PCDHGA8: variants seen among roughly 807,000 people sequenced by gnomAD.
PCDHGA8 encodes protocadherin gamma-A8.
Under a neutral mutation model 59.2 loss-of-function variants are expected in PCDHGA8, and 45 were observed. The ratio of observed to expected loss-of-function variants is 0.76; its 90% confidence interval spans 0.60 to 0.98. PCDHGA8 has a LOEUF of 0.98. Ranked by LOEUF, PCDHGA8 falls within the 50% of genes least tolerant of loss-of-function variation. The pLI, the probability that PCDHGA8 is intolerant of heterozygous loss-of-function variation, is 0.00. For synonymous variants in PCDHGA8, 531 were observed against 519.0 expected (o/e 1.02, Z -0.32); for missense variants, 1,257 against 1,196.2 (o/e 1.05, Z -0.75).
At position 141,394,120 on chromosome 5, in the gene PCDHGA8, C is replaced by G; in HGVS notation, c.1307C>G (p.Thr436Ser). 1.9e-6 allele frequency: 3 copies of G among 1,613,954 alleles called. No individual in the cohort carries two copies. Among genetic ancestry groups the G allele is most frequent in the Non-Finnish European group, 1.7e-6 (2 of 1,179,872 alleles). ...DLGTPPLSTE[T>S]QIALHVADIN... is the part of the protein sequence containing the mutation. ...GGAACACCACCTCTGTCCACTGAAA[C>G]TCAAATCGCTCTGCACGTGGCAGAC... is the stretch of plus-strand genomic sequence containing the variant. Residue 436 changes from threonine to serine, a missense_variant, in exon 1 of 4, where the codon ACT (threonine) becomes AGT (serine). By Grantham distance (58) the Thr-to-Ser change is moderately conservative. Coordinates refer to ENST00000398604, the MANE Select transcript of PCDHGA8 (RefSeq NM_032088.2).
At chr5:141,395,297 T>C in intron 1 of PCDHGA8, 60 bp downstream of exon 1, 1 of 1,523,916 alleles carries the variant, frequency 6.6e-7, no homozygotes, top group Non-Finnish European at 8.8e-7. Context: ...GCATAAATTA[T>C]GTTTTGAAAA....
chr5:141,421,219 G>C (rs894586889), intron 1 of PCDHGA8: 1 of 1,573,208 alleles, frequency 6.4e-7, no homozygotes. Context: ...TATCGGCTTA[G>C]AGCCTGCCAT....
intron 3 of PCDHGA8, among the ~76,000 whole-genome samples, chr5:141,509,004 G>A (rs2099873761): frequency 6.6e-6 from 1 of 152,072 alleles, no homozygotes; most frequent in South Asian, 2.1e-4. Context: ...AGGAGAGGAG[G>A]AAGTGGGCAG....
rs1386904017 is a variant in PCDHGA8 at position 141,476,642 on chromosome 5, CG to C, written c.2425-18164del. On this transcript the variant is annotated intron_variant, in intron 1 of 3. Coordinates refer to ENST00000398604, the MANE Select transcript of PCDHGA8 (RefSeq NM_032088.2). The surrounding 1 kb of genome is among the most constrained non-coding windows in gnomAD (Gnocchi z 7.6). ...CTCTTTACAAACCTATGAGCTGAGC[CG>C]AAATGAATACTTTGCGCTTCGCGTG... The C allele has an allele frequency of 2.5e-6, 4 of 1,614,240 alleles. No homozygotes were observed.
intron 1 of PCDHGA8, chr5:141,403,212 CG>C (rs1561686781): frequency 6.2e-7 from 1 of 1,613,952 alleles, no homozygotes; most frequent in African/African-American, 1.3e-5. Context: ...TTGGTCACCG[CG>C]GGTAGGATAG....
chr5:141,444,463 G>A (rs570185430), intron 1 of PCDHGA8, among the ~76,000 whole-genome samples: 10 of 152,026 alleles, frequency 6.6e-5, no homozygotes, highest in Admixed American at 1.3e-4. Context: ...GAGTCACTGC[G>A]CCCGGTCGCG....
chr5:141,422,580 C>T (rs1310564205), intron 1 of PCDHGA8: 10 of 1,613,934 alleles, frequency 6.2e-6, no homozygotes, highest in Non-Finnish European at 8.5e-6. Flanking sequence ...ATAACCCTCC[C>T]GTTTTTCCTC....
intron 3 of PCDHGA8, among the ~76,000 whole-genome samples, chr5:141,510,147 C>T (rs1416633745): frequency 1.3e-5 from 2 of 151,984 alleles, no homozygotes; most frequent in Non-Finnish European, 2.9e-5. Flanking sequence ...GTGGTGTGCA[C>T]CTGTAATCTC....
rs979093310 is a variant in PCDHGA8 at position 141,486,621 on chromosome 5, A to G, written c.2425-8186A>G. On this transcript the variant is annotated intron_variant, in intron 1 of 3. Transcript: ENST00000398604. This position sits in a 1 kb window ranked among gnomAD's most constrained non-coding sequence, Gnocchi z 5.0. The stretch of plus-strand genomic sequence containing the variant: ...TGCTCCCTTGCAGCCTCTGACCCAG[A>G]CTCTGGCTTGAATGCGCTTATCTCC... 6.2e-7 allele frequency: 1 copy of G among 1,613,388 alleles called. No individual in the cohort carries two copies. The highest frequency in any genetic ancestry group is 1.3e-5 in the African/African-American group (1 of 74,960).
At chr5:141,501,871 C>T (rs562714939) in intron 2 of PCDHGA8, among the ~76,000 whole-genome samples, 3 of 152,244 alleles carry the variant, frequency 2.0e-5, no homozygotes, top group African/African-American at 7.2e-5. Context: ...CAGGACGCCT[C>T]CTTACACTCC....
chr5:141,478,315 A>G, intron 1 of PCDHGA8: 1 of 1,613,998 alleles, frequency 6.2e-7, no homozygotes, highest in Non-Finnish European at 8.5e-7. Flanking sequence ...CGGTGAGCTC[A>G]CTGTACCGAA....
chr5:141,497,197 A>G (rs1243476120), intron 2 of PCDHGA8, among the ~76,000 whole-genome samples: 2 of 106,804 alleles, frequency 1.9e-5, no homozygotes, highest in African/African-American at 5.7e-5. Flanking sequence ...GCAGAGAACA[A>G]TGTGAGTGTA....
rs745602076 is a variant in PCDHGA8 at position 141,394,690 on chromosome 5, T to A, written c.1877T>A (p.Val626Glu). Reference protein sequence around the residue: ...LFSVGLHTGEVRTARALLDRD... With the variant: ...LFSVGLHTGEERTARALLDRD... ...TCGGTGGGTCTGCACACGGGCGAGG[T>A]GCGCACGGCGCGAGCCCTGCTGGAC... is the stretch of plus-strand genomic sequence containing the variant. The change falls in exon 1 of 4, where the codon GTG (valine) becomes GAG (glutamate). Residue 626 changes from valine (V) to glutamate (E), a missense_variant. Transcript: ENST00000398604. 6.2e-7 allele frequency: 1 copy of A among 1,610,768 alleles called. No homozygotes were observed. The highest frequency in any genetic ancestry group is 2.2e-5 in the East Asian group (1 of 44,692).
chr5:141,422,996 C>T (rs1473025630), intron 1 of PCDHGA8: 1 of 1,614,224 alleles, frequency 6.2e-7, no homozygotes, highest in South Asian at 1.1e-5. Context: ...TACCTGGTGA[C>T]CAAGGTGGTT....
intron 1 of PCDHGA8, chr5:141,409,361 G>A (rs754448763): frequency 6.2e-7 from 1 of 1,613,964 alleles, no homozygotes; most frequent in Non-Finnish European, 8.5e-7. Flanking sequence ...GTGTAATATA[G>A]AAACAGACAT....
chr5:141,422,563 G>A, intron 1 of PCDHGA8: 3 of 1,613,986 alleles, frequency 1.9e-6, no homozygotes, highest in African/African-American at 1.3e-5. Flanking sequence ...TGTGGCAGAT[G>A]ACAACGATAA....
chr5:141,433,914 C>A (rs2097664630), intron 1 of PCDHGA8, among the ~76,000 whole-genome samples: 1 of 151,702 alleles, frequency 6.6e-6, no homozygotes, highest in Admixed American at 6.6e-5. Context: ...TTACAATCAC[C>A]TCCAAATGAA....
Position 141,394,707 on chromosome 5 carries a change from C to T in PCDHGA8, c.1894C>T (p.Leu632=), listed in dbSNP as rs1325466311. The T allele has an allele frequency of 1.2e-6, 2 of 1,613,272 alleles. No individual in the cohort carries two copies. The highest frequency in any genetic ancestry group is 1.7e-6 in the Non-Finnish European group (2 of 1,179,956). Residue 632 remains leucine (L), a synonymous_variant, in exon 1 of 4, where the codon CTG becomes TTG. Coordinates refer to ENST00000398604, the MANE Select transcript of PCDHGA8 (RefSeq NM_032088.2). ...GGGCGAGGTGCGCACGGCGCGAGCC[C>T]TGCTGGACAGAGATGCGCTCAAGCA... is the stretch of plus-strand genomic sequence containing the variant. ...HTGEVRTARA[L]LDRDALKQSL... is the part of the protein sequence containing the mutation.
At chr5:141,439,202 A>AG (rs1348445707) in intron 1 of PCDHGA8, among the ~76,000 whole-genome samples, 2 of 151,954 alleles carry the variant, frequency 1.3e-5, no homozygotes, top group African/African-American at 4.8e-5. Context: ...AAAAAAAAAA[A>AG]AAATCCATAT....
Sources: allele counts gnomAD v4.1 joint callset (sites outside exome capture counted in the v4.1 genomes callset), GRCh38; gene constraint gnomAD v4.1.1; non-coding constraint Gnocchi (gnomAD v3.1); transcripts MANE v1.5; gene names NCBI Gene and HGNC (gene_info 2026-07-23, HGNC 2026-07-21).